Variants in CALN1 observed in about 807,000 individuals in gnomAD.
CALN1 encodes the protein calneuron 1.
In CALN1, 17 loss-of-function variants were observed where a neutral mutation model predicts 30.6. That is an observed-to-expected ratio of 0.56 (90% CI 0.38 to 0.83). The LOEUF is 0.83. Ranked by LOEUF, CALN1 falls within the 40% of genes least tolerant of loss-of-function variation. CALN1 has a pLI of 0.00. For synonymous variants in CALN1, 156 were observed against 131.4 expected, an observed-to-expected ratio of 1.19 and a Z score of -1.28; for missense variants, 291 against 354.9, an observed-to-expected ratio of 0.82 and a Z score of 1.45.
At chr7:72,057,524 T>C (rs145574179) in intron 4 of CALN1, among the ~76,000 whole-genome samples, 1 of 151,282 alleles carries the variant, frequency 6.6e-6, no homozygotes, top group East Asian at 1.9e-4. Flanking sequence ...TGGAAAAGAA[T>C]AAGGAATATA....
the CALN1 span, among the ~76,000 whole-genome samples, chr7:72,482,289 G>T: frequency 1.3e-5 from 2 of 152,050 alleles, no homozygotes; most frequent in Non-Finnish European, 2.9e-5. Flanking sequence ...ATATATAAAG[G>T]GTTCTTGCTT....
chr7:72,472,303 T>A, the CALN1 span, among the ~76,000 whole-genome samples: 4 of 152,184 alleles, frequency 2.6e-5, no homozygotes. Context: ...GATGAATGCA[T>A]GGTCAATGGA....
At chr7:72,325,677 C>T (rs1362941634) in intron 2 of CALN1, among the ~76,000 whole-genome samples, 1 of 152,092 alleles carries the variant, frequency 6.6e-6, no homozygotes, top group Non-Finnish European at 1.5e-5. Context: ...GGAACCAAGT[C>T]AGTTAGTTGC....
chr7:72,095,971 C>A (rs1806189718), intron 4 of CALN1, among the ~76,000 whole-genome samples: 1 of 152,022 alleles, frequency 6.6e-6, no homozygotes, highest in African/African-American at 2.4e-5. Context: ...GCCCAGGGGG[C>A]AAGGCTGCAG....
chr7:72,478,887 C>CTTTTTTTTTTTTTTTT, the CALN1 span, among the ~76,000 whole-genome samples: 286 of 139,236 alleles, frequency 2.1e-3, 10 homozygotes, highest in African/African-American at 6.1e-3. Flanking sequence ...CGAACCACTT[C>CTTTTTTTTTTTTTTTT]TTTTTTTTTT....
At chr7:72,006,791 C>G (rs1283889114) in intron 5 of CALN1, among the ~76,000 whole-genome samples, 2 of 152,096 alleles carry the variant, frequency 1.3e-5, no homozygotes, top group African/African-American at 4.8e-5. Context: ...AAATATAAAG[C>G]TCATGTCTGT....
chr7:71,813,113 T>C (rs1356557016), intron 5 of CALN1, among the ~76,000 whole-genome samples: 1 of 152,058 alleles, frequency 6.6e-6, no homozygotes, highest in East Asian at 1.9e-4. Context: ...CACACCTAGC[T>C]AATTTTTGTA....
chr7:72,387,556 C>G (rs1039477275), intron 2 of CALN1, among the ~76,000 whole-genome samples: 1 of 152,104 alleles, frequency 6.6e-6, no homozygotes. Context: ...GCCTTTGATA[C>G]AATGTGATGA....
chr7:72,087,256 C>T (rs186818309), intron 4 of CALN1, among the ~76,000 whole-genome samples: 4 of 152,264 alleles, frequency 2.6e-5, no homozygotes, highest in African/African-American at 9.6e-5. Flanking sequence ...GACCCAGAAC[C>T]TCAGGGAGCA....
intron 1 of CALN1, among the ~76,000 whole-genome samples, chr7:72,428,266 C>A: frequency 6.6e-6 from 1 of 152,078 alleles, no homozygotes; most frequent in African/African-American, 2.4e-5. Context: ...AAATTCTGGA[C>A]AATATACAAA....
chr7:72,146,424 C>G (rs1053113866), intron 3 of CALN1, among the ~76,000 whole-genome samples: 4 of 152,060 alleles, frequency 2.6e-5, no homozygotes, highest in Non-Finnish European at 5.9e-5. Context: ...ATGTGAAGAC[C>G]TCTTCAAGGA....
At chr7:72,259,603 T>C (rs1393516365) in intron 3 of CALN1, among the ~76,000 whole-genome samples, 2 of 152,198 alleles carry the variant, frequency 1.3e-5, no homozygotes, top group Non-Finnish European at 2.9e-5. Context: ...AATTATGAGT[T>C]GTGTGACTTG....
At chr7:71,835,318 A>G (rs1006289578) in intron 5 of CALN1, among the ~76,000 whole-genome samples, 5 of 152,208 alleles carry the variant, frequency 3.3e-5, no homozygotes, top group African/African-American at 9.6e-5. Flanking sequence ...CAAATCATAC[A>G]TAAGGCATGC....
At chr7:72,254,088 C>T (rs1208495983) in intron 3 of CALN1, among the ~76,000 whole-genome samples, 1 of 152,228 alleles carries the variant, frequency 6.6e-6, no homozygotes, top group South Asian at 2.1e-4. Flanking sequence ...CATTTCTGCT[C>T]TTCTTGGTGG....
chr7:72,459,706 G>A, the CALN1 span, among the ~76,000 whole-genome samples: 1 of 151,164 alleles, frequency 6.6e-6, no homozygotes, highest in African/African-American at 2.4e-5. Flanking sequence ...CTCCACTCTT[G>A]CTCAAGAGTT....
At chr7:72,472,501 G>A in the CALN1 span, among the ~76,000 whole-genome samples, 1,539 of 152,090 alleles carry the variant, frequency 0.01, 34 homozygotes, top group African/African-American at 0.032. Context: ...GGTGTGTCTC[G>A]AGGCCTGGCA....
At chr7:72,176,975 C>T (rs1368096879) in intron 3 of CALN1, among the ~76,000 whole-genome samples, 2 of 152,090 alleles carry the variant, frequency 1.3e-5, no homozygotes, top group Non-Finnish European at 2.9e-5. Flanking sequence ...CAAACAGTAG[C>T]GGCTGAGTGG....
chr7:71,990,862 C>G (rs576316956), intron 5 of CALN1, among the ~76,000 whole-genome samples: 1 of 152,312 alleles, frequency 6.6e-6, no homozygotes, highest in East Asian at 1.9e-4. Context: ...CAAGAACCAT[C>G]TCTTTGGGGT....
At chr7:71,968,625 G>A (rs752001406) in intron 5 of CALN1, among the ~76,000 whole-genome samples, 1 of 151,990 alleles carries the variant, frequency 6.6e-6, no homozygotes, top group South Asian at 2.1e-4. Flanking sequence ...CAAGTGATCT[G>A]CCCATCTCCG....
Sources: allele counts gnomAD v4.1 joint callset (sites outside exome capture counted in the v4.1 genomes callset), GRCh38; gene constraint gnomAD v4.1.1; transcripts MANE v1.5; gene names NCBI Gene and HGNC (gene_info 2026-07-23, HGNC 2026-07-21).